Variants in BLTP1 observed in about 807,000 individuals in gnomAD.
BLTP1 encodes the protein bridge-like lipid transfer protein family member 1.
the BLTP1 span, among the ~76,000 whole-genome samples, chr4:122,212,469 T>A: frequency 7.9e-5 from 12 of 152,154 alleles, no homozygotes; most frequent in African/African-American, 2.9e-4. Flanking sequence ...AGAGGCTGCA[T>A]TGTATTTTAC....
At chr4:122,238,464 C>T in the BLTP1 span, 15 of 739,348 alleles carry the variant, frequency 2.0e-5, no homozygotes, top group Non-Finnish European at 3.4e-5. Context: ...AAATTGTTAC[C>T]TGTATATCTG....
chr4:122,315,471 G>C, the BLTP1 span: 1 of 1,614,014 alleles, frequency 6.2e-7, no homozygotes, highest in Non-Finnish European at 8.5e-7. Context: ...GAAAGCAGTA[G>C]TGCTGGAACC....
chr4:122,189,474 TAAG>T, the BLTP1 span: 21 of 941,404 alleles, frequency 2.2e-5, no homozygotes, highest in Middle Eastern at 5.4e-4. Context: ...AAATAGGTAA[TAAG>T]AAGATAAAAA....
the BLTP1 span, chr4:122,291,828 T>A: frequency 1.0e-6 from 1 of 979,076 alleles, no homozygotes; most frequent in Non-Finnish European, 1.2e-6. Context: ...AAAATTATTG[T>A]TTAGTATGTT....
the BLTP1 span, chr4:122,197,133 AG>A: frequency 2.5e-6 from 2 of 799,314 alleles, no homozygotes; most frequent in Non-Finnish European, 3.9e-6. Flanking sequence ...ATAACTGAAA[AG>A]TAAAGATGGG....
At chr4:122,192,483 G>A in the BLTP1 span, 1 of 776,794 alleles carries the variant, frequency 1.3e-6, no homozygotes. Flanking sequence ...ATTTTATTAT[G>A]GCAGAGGAAG....
chr4:122,202,542 C>A, the BLTP1 span: 1 of 970,570 alleles, frequency 1.0e-6, no homozygotes. Context: ...ACATTACTTA[C>A]CTCTTTGACT....
chr4:122,175,074 A>G, the BLTP1 span: 1 of 951,626 alleles, frequency 1.1e-6, no homozygotes, highest in African/African-American at 1.8e-5. Context: ...AAAGAAGGAA[A>G]CACAAATATG....
the BLTP1 span, among the ~76,000 whole-genome samples, chr4:122,216,053 A>G: frequency 6.6e-6 from 1 of 151,760 alleles, no homozygotes; most frequent in Admixed American, 6.6e-5. Flanking sequence ...CATGGTATAT[A>G]TATGTGTGTG....
the BLTP1 span, chr4:122,359,581 C>G: frequency 6.2e-7 from 1 of 1,610,692 alleles, no homozygotes; most frequent in Non-Finnish European, 8.5e-7. Flanking sequence ...CGGATTTTAT[C>G]TACTCGACCA....
chr4:122,313,345 A>T, the BLTP1 span, among the ~76,000 whole-genome samples: 1 of 152,148 alleles, frequency 6.6e-6, no homozygotes, highest in Non-Finnish European at 1.5e-5. Flanking sequence ...AGGTGTTGTC[A>T]CTCAAATAAG....
At chr4:122,251,398 T>C in the BLTP1 span, 1 of 889,502 alleles carries the variant, frequency 1.1e-6, no homozygotes, top group African/African-American at 1.8e-5. Context: ...CTAGTAATCA[T>C]GGGTATACTC....
the BLTP1 span, among the ~76,000 whole-genome samples, chr4:122,303,953 T>C: frequency 6.6e-6 from 1 of 152,152 alleles, no homozygotes. Flanking sequence ...TGACTGTAAC[T>C]TTGGAAGAGG....
At chr4:122,254,441 G>GA in the BLTP1 span, 1 of 1,295,718 alleles carries the variant, frequency 7.7e-7, no homozygotes, top group Admixed American at 2.4e-5. Context: ...TTACTTTTCT[G>GA]GTATATATAG....
chr4:122,287,687 G>A, the BLTP1 span: 9 of 985,126 alleles, frequency 9.1e-6, no homozygotes, highest in Non-Finnish European at 1.1e-5. Flanking sequence ...TATAACTGCG[G>A]GGGACATATT....
At chr4:122,353,207 A>C in the BLTP1 span, 4 of 1,581,234 alleles carry the variant, frequency 2.5e-6, no homozygotes, top group Non-Finnish European at 3.4e-6. This position sits in a 1 kb window ranked among gnomAD's most constrained non-coding sequence, Gnocchi z 4.3. Context: ...TGTTATGACT[A>C]TAAATGACAA....
the BLTP1 span, among the ~76,000 whole-genome samples, chr4:122,193,901 C>A: frequency 3.2e-3 from 489 of 152,020 alleles, 5 homozygotes; most frequent in African/African-American, 0.011. Context: ...CTCGCTCTGT[C>A]GCCCAGGCTG....
chr4:122,256,065 G>A, the BLTP1 span: 1 of 983,684 alleles, frequency 1.0e-6, no homozygotes, highest in East Asian at 1.1e-4. Context: ...CTCTGGAAAA[G>A]CAGATAACAT....
At chr4:122,211,385 G>T in the BLTP1 span, among the ~76,000 whole-genome samples, 1 of 151,178 alleles carries the variant, frequency 6.6e-6, no homozygotes, top group African/African-American at 2.4e-5. Context: ...AAGCTAGAGG[G>T]ATAGCTAGGA....
Sources: gnomAD v4.1 joint callset for allele counts (sites outside exome capture counted in the v4.1 genomes callset) on GRCh38, gnomAD v4.1.1 for gene constraint, Gnocchi (gnomAD v3.1) non-coding constraint, MANE v1.5 for transcripts, NCBI Gene and HGNC (gene_info 2026-07-23, HGNC 2026-07-21) for gene names.